SLC44A5: variants seen among roughly 807,000 people sequenced by gnomAD.
SLC44A5 encodes the protein choline transporter-like protein 5.
In SLC44A5, 57 loss-of-function variants were observed where a neutral mutation model predicts 101.8. That is an observed-to-expected ratio of 0.56 (90% confidence interval 0.45 to 0.70). The LOEUF is 0.70. Among genes scored for constraint, SLC44A5 ranks in the 30% least tolerant of loss-of-function variants. The probability of loss-of-function intolerance (pLI) is 0.00; values close to 1 mark genes in which losing one functional copy is unlikely to be tolerated. For synonymous variants in SLC44A5, 281 were observed against 290.9 expected (o/e 0.97, Z 0.35); for missense variants, 737 against 853.1 (o/e 0.86, Z 1.70).
chr1:75,563,530 ATAT>A (rs1324535163), intron 1 of SLC44A5, among the ~76,000 whole-genome samples: 2 of 152,080 alleles, frequency 1.3e-5, no homozygotes, highest in Non-Finnish European at 2.9e-5. Context: ...TTATTTTTAC[ATAT>A]TATTTTTAAA....
chr1:75,344,095 T>C (rs1658080650), intron 3 of SLC44A5, among the ~76,000 whole-genome samples: 1 of 152,086 alleles, frequency 6.6e-6, no homozygotes, highest in Non-Finnish European at 1.5e-5. Flanking sequence ...GACTTTCTCC[T>C]CCTTATTCCC....
At chr1:75,537,874 T>C (rs1345107993) in intron 2 of SLC44A5, 1 of 152,228 alleles carries the variant, frequency 6.6e-6, no homozygotes, top group Non-Finnish European at 1.5e-5. Flanking sequence ...ACTAGGAATA[T>C]AAAGAATAAT....
chr1:75,408,779 G>A (rs1326421621), intron 2 of SLC44A5, among the ~76,000 whole-genome samples: 1 of 152,102 alleles, frequency 6.6e-6, no homozygotes, highest in African/African-American at 2.4e-5. Context: ...GATGGGTGCA[G>A]CAAACCACCA....
the SLC44A5 span, among the ~76,000 whole-genome samples, chr1:75,672,177 A>C: frequency 1.3e-5 from 2 of 152,168 alleles, no homozygotes; most frequent in African/African-American, 4.8e-5. Flanking sequence ...ACATGTCAGA[A>C]AAGAGGCGCT....
At chr1:75,459,020 C>A (rs1003322493) in intron 2 of SLC44A5, among the ~76,000 whole-genome samples, 5 of 152,006 alleles carry the variant, frequency 3.3e-5, no homozygotes, top group African/African-American at 1.2e-4. Flanking sequence ...ATAACTAAAG[C>A]CAGAAGAATG....
intron 2 of SLC44A5, among the ~76,000 whole-genome samples, chr1:75,416,663 G>T (rs1217523785): frequency 6.6e-6 from 1 of 152,242 alleles, no homozygotes; most frequent in Non-Finnish European, 1.5e-5. Context: ...CAGCCGGGAA[G>T]AAGGCTGTAC....
At chr1:75,522,497 A>G (rs1670187016) in intron 2 of SLC44A5, among the ~76,000 whole-genome samples, 1 of 152,018 alleles carries the variant, frequency 6.6e-6, no homozygotes, top group African/African-American at 2.4e-5. Flanking sequence ...TCCTTTCAAG[A>G]GTCTGCCCTG....
intron 23 of SLC44A5, among the ~76,000 whole-genome samples, chr1:75,208,972 G>T (rs1646800997): frequency 6.6e-6 from 1 of 152,174 alleles, no homozygotes. Context: ...TACACATTCA[G>T]AATTTGGCTC....
At chr1:75,663,622 A>G in the SLC44A5 span, among the ~76,000 whole-genome samples, 1 of 152,162 alleles carries the variant, frequency 6.6e-6, no homozygotes, top group Non-Finnish European at 1.5e-5. Context: ...ACAAACCAAT[A>G]TCAAGTTCCA....
At position 75,489,669 on chromosome 1, in the gene SLC44A5, A is replaced by G. The variant is rs147433431; in HGVS notation, c.13+51766T>C. Among the ~76,000 whole-genome samples the G allele has an allele frequency of 5.2e-3, 799 of 152,338 alleles. 3 individuals are homozygous for G. The highest frequency in any genetic ancestry group is 0.018 in the African/African-American group (764 of 41,580). On this transcript the variant is annotated intron_variant, in intron 2 of 23. Transcript: ENST00000370859. The stretch of plus-strand genomic sequence containing the variant: ...GGTGATGGCATGAATGAAATAACAA[A>G]TGGAGTACATTGGCAAGTCAAGAAC...
chr1:75,277,178 G>T (rs775161880), intron 5 of SLC44A5, among the ~76,000 whole-genome samples: 3 of 152,130 alleles, frequency 2.0e-5, no homozygotes, highest in Admixed American at 6.6e-5. Context: ...ACTTGAGAAA[G>T]ACTTTAAAAA....
At chr1:75,433,090 C>A (rs1384298601) in intron 2 of SLC44A5, among the ~76,000 whole-genome samples, 1 of 152,066 alleles carries the variant, frequency 6.6e-6, no homozygotes, top group African/African-American at 2.4e-5. Context: ...TTATCTTTCC[C>A]ACCAAAAATA....
chr1:75,231,261 A>G (rs1647540334), intron 12 of SLC44A5, among the ~76,000 whole-genome samples: 1 of 152,156 alleles, frequency 6.6e-6, no homozygotes, highest in South Asian at 2.1e-4. Context: ...TGGGTTACCC[A>G]GTGCTTCCTG....
At chr1:75,306,756 A>C in intron 4 of SLC44A5, among the ~76,000 whole-genome samples, 1 of 30,920 alleles carries the variant, frequency 3.2e-5, no homozygotes, top group Admixed American at 3.9e-4. Flanking sequence ...TTTTTTTGAG[A>C]CGGAGTCTTG....
chr1:75,554,212 C>T (rs1672097284), intron 1 of SLC44A5, among the ~76,000 whole-genome samples: 1 of 152,102 alleles, frequency 6.6e-6, no homozygotes, highest in African/African-American at 2.4e-5. Context: ...TGCAGTGGCT[C>T]ATGCCTGTAA....
chr1:75,292,011 C>CAA (rs768550940), intron 5 of SLC44A5, among the ~76,000 whole-genome samples: 2 of 52,212 alleles, frequency 3.8e-5, no homozygotes, highest in African/African-American at 6.2e-5. Context: ...GACTCTGTCT[C>CAA]AAAAAAAAAA....
chr1:75,606,098 T>A (rs1172045029), intron 1 of SLC44A5, among the ~76,000 whole-genome samples: 1 of 150,478 alleles, frequency 6.6e-6, no homozygotes, highest in Non-Finnish European at 1.5e-5. Context: ...CCCGCACAAT[T>A]TTTTTTTTTA....
intron 1 of SLC44A5, among the ~76,000 whole-genome samples, chr1:75,603,250 T>C (rs2102155578): frequency 6.6e-6 from 1 of 152,288 alleles, no homozygotes; most frequent in Non-Finnish European, 1.5e-5. Flanking sequence ...TTTCTGATAC[T>C]GCATTAATCC....
chr1:75,515,421 T>TTATC (rs1557864772), intron 2 of SLC44A5, among the ~76,000 whole-genome samples: 1 of 152,148 alleles, frequency 6.6e-6, no homozygotes, highest in African/African-American at 2.4e-5. Context: ...CCTTTAACCA[T>TTATC]TATCTTCCCA....
Sources: allele counts gnomAD v4.1 joint callset (sites outside exome capture counted in the v4.1 genomes callset), GRCh38; gene constraint gnomAD v4.1.1; transcripts MANE v1.5; gene names NCBI Gene and HGNC (gene_info 2026-07-23, HGNC 2026-07-21).